Variants in AP5M1 observed in about 807,000 individuals in gnomAD.
The protein encoded by AP5M1 is adaptor related protein complex 5 subunit mu 1.
A neutral mutation model predicts 52.3 loss-of-function variants in AP5M1; 44 were observed. That is an observed-to-expected ratio of 0.84 (90% CI 0.66 to 1.08). The LOEUF (loss-of-function observed/expected upper bound fraction) is 1.08. Ranked by LOEUF, AP5M1 falls within the 50% of genes least tolerant of loss-of-function variation. The probability of loss-of-function intolerance (pLI) is 0.00; values close to 1 mark genes in which losing one functional copy is unlikely to be tolerated. For missense variants in AP5M1, 526 were observed against 568.4 expected (o/e 0.93, Z 0.76); for synonymous variants, 213 against 199.0 (o/e 1.07, Z -0.59).
In AP5M1 at chr14:57,290,541, C is replaced by G. The variant is rs2139700175; in HGVS notation, c.*1657C>G. ...ACTAAGGTAAGCAAGAGGCATTTAT[C>G]TAGTGAGTAGGCAAAGATTTAATAT... On this transcript the variant is annotated 3_prime_UTR_variant, in exon 8 of 8. Coordinates refer to ENST00000261558, the MANE Select transcript of AP5M1 (RefSeq NM_018229.4). 6.6e-6 allele frequency: 1 copy of G among 151,956 alleles called. No individual in the cohort carries two copies. Among genetic ancestry groups the G allele is most frequent in the East Asian group, 1.9e-4 (1 of 5,178 alleles). The allele number at this position is 151,956 out of a possible 1,614,324, so 9.4% of individuals were successfully genotyped here.
intron 1 of AP5M1, 96 bp from the exon 2 acceptor site, chr14:57,274,148 T>G (rs1884959667): frequency 3.8e-6 from 5 of 1,321,212 alleles, no homozygotes; most frequent in Non-Finnish European, 5.1e-6. Flanking sequence ...TTATTGTTAT[T>G]ACTGTTTGCC....
Position 57,269,013 on chromosome 14 carries a change from G to A in AP5M1, c.-302G>A, listed in dbSNP as rs1884801542. 1 of 553,664 alleles carries A rather than the reference G, an allele frequency of 1.8e-6. No individual in the cohort carries two copies. Among genetic ancestry groups the A allele is most frequent in the African/African-American group, 1.9e-5 (1 of 51,688 alleles). The allele number at this position is 553,664 out of a possible 1,614,324, so 34.3% of individuals were successfully genotyped here. A position where few individuals can be genotyped will look rare whatever the true frequency, so the allele number is the denominator to read the frequency against. On this transcript the variant is annotated 5_prime_UTR_variant, in exon 1 of 8. Coordinates refer to ENST00000261558, the MANE Select transcript of AP5M1 (RefSeq NM_018229.4). ...GTATGAGGAACTTTGATCCTTGCGGGCCACCATTCCGGAAGTAGAATTTAG... is the reference window on the plus strand; with the variant it reads ...GTATGAGGAACTTTGATCCTTGCGGACCACCATTCCGGAAGTAGAATTTAG...
intron 7 of AP5M1, 149 bp downstream of exon 7, chr14:57,286,468 G>T (rs1036221307): frequency 2.2e-5 from 13 of 595,806 alleles, no homozygotes; most frequent in Non-Finnish European, 3.9e-5. Context: ...CCACATAACA[G>T]TTTGTGTACT....
At chr14:57,274,217 TATA>T in intron 1 of AP5M1, 24 bp from the exon 2 acceptor site, 4 of 1,546,116 alleles carry the variant, frequency 2.6e-6, no homozygotes, top group South Asian at 1.3e-5. Flanking sequence ...AAGAATCATT[TATA>T]ATGTTTCTGT....
intron 1 of AP5M1, among the ~76,000 whole-genome samples, chr14:57,270,816 G>C (rs1418352981): frequency 6.6e-6 from 1 of 151,996 alleles, no homozygotes; most frequent in African/African-American, 2.4e-5. Context: ...ACATAATTAA[G>C]TGTGCTTTAG....
rs994796244 is a variant in AP5M1 at position 57,280,264 on chromosome 14, C to T, written c.790C>T (p.Gln264Ter). 6.2e-7 allele frequency: 1 copy of T among 1,613,996 alleles called. No individual in the cohort carries two copies. The highest frequency in any genetic ancestry group is 8.5e-7 in the Non-Finnish European group (1 of 1,179,984). The change falls in exon 3 of 8, where the codon CAG becomes TAG. Residue 264 changes from glutamine to a stop codon, truncating the protein, a stop_gained. Coordinates refer to ENST00000261558, the MANE Select transcript of AP5M1 (RefSeq NM_018229.4). LOFTEE classifies it high-confidence loss of function. Reference protein sequence around the residue: ...LSLPTNGSPLQDILVHPCVTS... With the variant: ...LSLPTNGSPL The stretch of plus-strand genomic sequence containing the variant: ...TCTCCCCACCAATGGATCTCCACTT[C>T]AGGATATTCTAGTTCACCCTTGTGT...
Position 57,270,104 on chromosome 14 carries a change from G to A in AP5M1, c.74+716G>A, listed in dbSNP as rs575181379. On this transcript the variant is annotated intron_variant, in intron 1 of 7. Coordinates refer to ENST00000261558, the MANE Select transcript of AP5M1 (RefSeq NM_018229.4). ...TTACAGGCAGGAGCCACCGCGCCCC[G>A]CCCAGGCTTTTATTTTTATCTTGTT... 1.5e-4 allele frequency among the ~76,000 whole-genome samples: 23 copies of A among 152,278 alleles called. No individual in the cohort carries two copies. In the South Asian group the frequency reaches 3.5e-3, roughly 23 times the overall value.
rs1885397331 is a variant in AP5M1 at position 57,289,768 on chromosome 14, GCA to G, written c.*886_*887del. On this transcript the variant is annotated 3_prime_UTR_variant, in exon 8 of 8. Coordinates refer to ENST00000261558, the MANE Select transcript of AP5M1 (RefSeq NM_018229.4). ...ATGAATTCTGGTAAAAATTCAAAAG[GCA>G]CTCTGTGAGTAGAGAGTATCATTTA... The G allele has an allele frequency of 6.6e-6, 1 of 151,892 alleles. No individual in the cohort carries two copies. Among genetic ancestry groups the G allele is most frequent in the South Asian group, 2.1e-4 (1 of 4,820 alleles). The allele number at this position is 151,892 out of a possible 1,614,324, so 9.4% of individuals were successfully genotyped here.
intron 7 of AP5M1, among the ~76,000 whole-genome samples, chr14:57,288,502 C>T (rs1217981473): frequency 9.2e-5 from 14 of 151,872 alleles, no homozygotes; most frequent in African/African-American, 3.4e-4. Context: ...TTTTTGCAGT[C>T]AGAGTAATGG....
rs920702120 is a variant in AP5M1, at chr14:57,291,231, G to C, written c.*2347G>C. The stretch of plus-strand genomic sequence containing the variant: ...GATGCTTTGCGTTTGCAGTGAATAT[G>C]AGCAACTACTTCCAGTGAAAGATTT... On this transcript the variant is annotated 3_prime_UTR_variant, in exon 8 of 8. Coordinates refer to ENST00000261558, the MANE Select transcript of AP5M1 (RefSeq NM_018229.4). 1 of 151,862 alleles carries C rather than the reference G, an allele frequency of 6.6e-6. No homozygotes were observed. The highest frequency in any genetic ancestry group is 1.5e-5 in the Non-Finnish European group (1 of 67,888). 9.4% of individuals were successfully genotyped at this position (151,862 alleles called of 1,614,324 possible).
rs1395670693 is a variant in AP5M1, at chr14:57,294,017, C to G, written c.*5133C>G. The G allele has an allele frequency of 1.3e-5, 2 of 151,674 alleles. No individual in the cohort carries two copies. Among genetic ancestry groups the G allele is most frequent in the African/African-American group, 4.8e-5 (2 of 41,384 alleles). The allele number at this position is 151,674 out of a possible 1,614,324, so 9.4% of individuals were successfully genotyped here. On this transcript the variant is annotated 3_prime_UTR_variant, in exon 8 of 8. Transcript: ENST00000261558. ...CCAACTAGCCTCCAACTGTCCGCAC[C>G]AGCTGTTTCATGGATATAACATTAG...
Position 57,295,428 on chromosome 14 carries a change from A to G in AP5M1, c.*6544A>G, listed in dbSNP as rs1216750887. ...TAGCTCAGCCAGAGGGAAGGAAAAA[A>G]TGCACTCGGTTTTGCATTAACAAAG... is the stretch of plus-strand genomic sequence containing the variant. On this transcript the variant is annotated 3_prime_UTR_variant, in exon 8 of 8. Coordinates refer to ENST00000261558, the MANE Select transcript of AP5M1 (RefSeq NM_018229.4). 6.6e-6 allele frequency: 1 copy of G among 151,872 alleles called. No individual in the cohort carries two copies. Among genetic ancestry groups the G allele is most frequent in the Non-Finnish European group, 1.5e-5 (1 of 67,870 alleles). 9.4% of individuals were successfully genotyped at this position (151,872 alleles called of 1,614,324 possible). A position where few individuals can be genotyped will look rare whatever the true frequency, so the allele number is the denominator to read the frequency against.
chr14:57,282,327 TCTG>T, intron 4 of AP5M1, 99 bp downstream of exon 4: 3 of 901,094 alleles, frequency 3.3e-6, no homozygotes, highest in Non-Finnish European at 4.7e-6. Context: ...ATTTTTAAGG[TCTG>T]AACAATTTTA....
chr14:57,295,668 T>C lies in AP5M1; in HGVS notation c.*6784T>C, dbSNP rs1885535488. 6.6e-6 allele frequency: 1 copy of C among 151,746 alleles called. No homozygotes were observed. The highest frequency in any genetic ancestry group is 1.5e-5 in the Non-Finnish European group (1 of 67,830). 9.4% of individuals were successfully genotyped at this position (151,746 alleles called of 1,614,324 possible). ...CAAAATGTTTAAGTGCCAAACTTAA[T>C]GTTACCTTCTCTGCTAAAGATTTTT... is the stretch of plus-strand genomic sequence containing the variant. On this transcript the variant is annotated 3_prime_UTR_variant, in exon 8 of 8. Transcript: ENST00000261558.
At chr14:57,271,134 A>T (rs1198171867) in intron 1 of AP5M1, 1 of 152,218 alleles carries the variant, frequency 6.6e-6, no homozygotes, top group African/African-American at 2.4e-5. Context: ...GTGCAAATCT[A>T]GGCCATTGTT....
chr14:57,275,892 A>G (rs1885023193), intron 2 of AP5M1, among the ~76,000 whole-genome samples: 1 of 152,198 alleles, frequency 6.6e-6, no homozygotes, highest in Non-Finnish European at 1.5e-5. Flanking sequence ...CTACAAGTTT[A>G]TATTAATAGT....
At chr14:57,282,046 T>C (rs2139692821) in intron 3 of AP5M1, 43 bp from the exon 4 acceptor site, 3 of 1,491,556 alleles carry the variant, frequency 2.0e-6, no homozygotes, top group Non-Finnish European at 2.7e-6. Flanking sequence ...TGTTTTAGAC[T>C]CATTAACCTG....
chr14:57,269,857 A>G (rs551891101), intron 1 of AP5M1, among the ~76,000 whole-genome samples: 14 of 152,266 alleles, frequency 9.2e-5, no homozygotes, highest in African/African-American at 2.4e-4. Flanking sequence ...TCCCCAGGCT[A>G]GAGTGCAGTG....
At chr14:57,270,012 G>C (rs939221592) in intron 1 of AP5M1, among the ~76,000 whole-genome samples, 4 of 152,134 alleles carry the variant, frequency 2.6e-5, no homozygotes, top group Non-Finnish European at 5.9e-5. Flanking sequence ...GTTTCACCGT[G>C]TTAGCCAGGA....
Sources: allele counts gnomAD v4.1 joint callset (sites outside exome capture counted in the v4.1 genomes callset), GRCh38; gene constraint gnomAD v4.1.1; transcripts MANE v1.5; gene names NCBI Gene and HGNC (gene_info 2026-07-23, HGNC 2026-07-21).